Variants in DOCK2 observed in about 807,000 individuals in gnomAD.
The protein encoded by DOCK2 is dedicator of cytokinesis 2.
In DOCK2, 87 loss-of-function variants were observed where a neutral mutation model predicts 248.9. The ratio of observed to expected loss-of-function variants is 0.35; its 90% confidence interval spans 0.29 to 0.42. DOCK2 has a LOEUF of 0.42. DOCK2 is among the 10% of genes least tolerant of loss of function. The pLI is 1.00. For missense variants in DOCK2, 1,747 were observed against 2,300.2 expected, an observed-to-expected ratio of 0.76 and a Z score of 4.92; for synonymous variants, 805 against 821.6, an observed-to-expected ratio of 0.98 and a Z score of 0.35.
chr5:169,671,293 C>T (rs1053255804), intron 5 of DOCK2, 119 bp downstream of exon 5: 14 of 819,574 alleles, frequency 1.7e-5, no homozygotes, highest in Middle Eastern at 2.4e-4. Flanking sequence ...CATAGCAGAG[C>T]GCACACTATT....
chr5:169,722,911 T>G (rs1762284687), intron 22 of DOCK2, among the ~76,000 whole-genome samples: 1 of 152,194 alleles, frequency 6.6e-6, no homozygotes, highest in South Asian at 2.1e-4. Context: ...GTGTCTGTGC[T>G]TTTTGAGGAC....
intron 27 of DOCK2, among the ~76,000 whole-genome samples, chr5:169,861,137 A>T (rs1166555958): frequency 4.6e-5 from 7 of 152,246 alleles, no homozygotes; most frequent in Admixed American, 3.3e-4. Context: ...GCTTCATGTG[A>T]TCATCGTGAC....
At chr5:169,907,003 C>T in intron 27 of DOCK2, among the ~76,000 whole-genome samples, 1 of 152,182 alleles carries the variant, frequency 6.6e-6, no homozygotes, top group Non-Finnish European at 1.5e-5. Flanking sequence ...GGGACTACAG[C>T]AGTGAACAGA....
At chr5:170,080,315 G>A in intron 50 of DOCK2, 32 bp downstream of exon 50, 2 of 1,613,016 alleles carry the variant, frequency 1.2e-6, no homozygotes, top group South Asian at 1.1e-5. Context: ...GCATGAGGGA[G>A]TAGAGATAGT....
At chr5:169,878,603 A>G (rs1399193002) in intron 27 of DOCK2, among the ~76,000 whole-genome samples, 1 of 152,238 alleles carries the variant, frequency 6.6e-6, no homozygotes, top group Non-Finnish European at 1.5e-5. Flanking sequence ...TCTAGTACCA[A>G]ACTCAGATTT....
Position 170,034,396 on chromosome 5 carries a change from C to T in DOCK2, c.3468-3C>T, listed in dbSNP as rs899618619. The T allele has an allele frequency of 6.2e-7, 1 of 1,613,830 alleles. No individual in the cohort carries two copies. Among genetic ancestry groups the T allele is most frequent in the Non-Finnish European group, 8.5e-7 (1 of 1,179,974 alleles). On this transcript the variant is annotated splice_polypyrimidine_tract_variant and splice_region_variant and intron_variant, in intron 34 of 51. Coordinates refer to ENST00000520908, the MANE Select transcript of DOCK2 (RefSeq NM_004946.3). ...GCTCACTGCCCTCTGGTCTCTGCCG[C>T]AGCCTGATGGAATGTGCTGCAGAGC...
At chr5:169,796,528 C>A (rs948240556) in intron 25 of DOCK2, among the ~76,000 whole-genome samples, 17 of 152,100 alleles carry the variant, frequency 1.1e-4, no homozygotes, top group African/African-American at 3.9e-4. Flanking sequence ...GATGGTGTAC[C>A]CCAACTACAG....
chr5:169,968,338 G>A (rs1269838100), intron 27 of DOCK2, among the ~76,000 whole-genome samples: 1 of 152,120 alleles, frequency 6.6e-6, no homozygotes, highest in Non-Finnish European at 1.5e-5. Flanking sequence ...TTTGATAGGA[G>A]TCCAGCCACT....
chr5:170,057,468 A>T, intron 43 of DOCK2, 112 bp from the exon 44 acceptor site: 2 of 826,146 alleles, frequency 2.4e-6, no homozygotes. Context: ...GCTTTCGGGT[A>T]GATGGGAGGC....
At chr5:169,723,916 G>C (rs1359811936) in intron 22 of DOCK2, among the ~76,000 whole-genome samples, 1 of 152,102 alleles carries the variant, frequency 6.6e-6, no homozygotes, top group East Asian at 1.9e-4. Context: ...GTACACTAAA[G>C]CAACTAGAAT....
At chr5:169,959,333 C>A (rs1001702991) in intron 27 of DOCK2, among the ~76,000 whole-genome samples, 2 of 151,720 alleles carry the variant, frequency 1.3e-5, no homozygotes, top group Non-Finnish European at 2.9e-5. Context: ...CACACCACTG[C>A]ACTCCAGCCT....
chr5:170,016,843 G>A (rs961627388), intron 32 of DOCK2, among the ~76,000 whole-genome samples: 8 of 152,218 alleles, frequency 5.3e-5, no homozygotes, highest in African/African-American at 9.6e-5. Context: ...AAAGGATCTT[G>A]AAGGATGAAA....
chr5:169,948,273 G>A (rs548222652), intron 27 of DOCK2, among the ~76,000 whole-genome samples: 1 of 150,018 alleles, frequency 6.7e-6, no homozygotes, highest in Non-Finnish European at 1.5e-5. Flanking sequence ...TTATATTTTA[G>A]TAGAGGGATT....
At chr5:169,751,345 T>A (rs1763885340) in intron 23 of DOCK2, among the ~76,000 whole-genome samples, 1 of 152,050 alleles carries the variant, frequency 6.6e-6, no homozygotes, top group Non-Finnish European at 1.5e-5. Flanking sequence ...AAGAAGTGAC[T>A]GTATGAAAAC....
intron 2 of DOCK2, among the ~76,000 whole-genome samples, chr5:169,654,834 A>T (rs1758014197): frequency 6.6e-6 from 1 of 152,198 alleles, no homozygotes; most frequent in Admixed American, 6.5e-5. Context: ...GGTCCCATAA[A>T]TCACACCTCT....
In DOCK2 at chr5:169,840,840, T is replaced by C; in HGVS notation, c.2787T>C (p.Asp929=). 1.2e-6 allele frequency: 2 copies of C among 1,613,912 alleles called. No individual in the cohort carries two copies. Among genetic ancestry groups the C allele is most frequent in the Non-Finnish European group, 1.7e-6 (2 of 1,179,942 alleles). Residue 929 remains aspartate, a synonymous_variant, in exon 27 of 52, where the codon GAT becomes GAC. Transcript: ENST00000520908. The part of the protein sequence containing the change: ...VNRTVITMGR[D]HILISHFVAC... ...GGACAGTCATCACCATGGGCCGGGA[T>C]CACATTCTGATTGTGAGTGGATTAT... is the stretch of plus-strand genomic sequence containing the variant.
At chr5:169,810,870 C>G (rs1366169885) in intron 26 of DOCK2, among the ~76,000 whole-genome samples, 1 of 151,960 alleles carries the variant, frequency 6.6e-6, no homozygotes, top group Non-Finnish European at 1.5e-5. Context: ...GTCTTCTACT[C>G]CCATTCCACA....
chr5:169,896,004 G>A (rs1447657350), intron 27 of DOCK2, among the ~76,000 whole-genome samples: 1 of 152,158 alleles, frequency 6.6e-6, no homozygotes, highest in Non-Finnish European at 1.5e-5. Flanking sequence ...ATGATCTCAA[G>A]CCTGGCCTTG....
intron 27 of DOCK2, among the ~76,000 whole-genome samples, chr5:169,925,332 G>A (rs900610566): frequency 9.2e-5 from 14 of 152,074 alleles, no homozygotes; most frequent in African/African-American, 2.4e-4. Context: ...TAAGAGCATC[G>A]TCTTGTTGAG....
Sources: gnomAD v4.1 joint callset for allele counts (sites outside exome capture counted in the v4.1 genomes callset) on GRCh38, gnomAD v4.1.1 for gene constraint, MANE v1.5 for transcripts, NCBI Gene and HGNC (gene_info 2026-07-23, HGNC 2026-07-21) for gene names.